CADPS: variants seen among roughly 807,000 people sequenced by gnomAD.
The protein encoded by CADPS is calcium-dependent secretion activator 1.
A neutral mutation model predicts 167.3 loss-of-function variants in CADPS; 57 were observed. The observed-to-expected ratio is 0.34, with a 90% CI of 0.28 to 0.42. CADPS has a LOEUF of 0.42. Among genes scored for constraint, CADPS ranks in the 20% least tolerant of loss-of-function variants. CADPS has a pLI of 1.00. For missense variants in CADPS, 1,414 were observed against 1,738.1 expected (o/e 0.81, Z 3.32); for synonymous variants, 676 against 635.3 (o/e 1.06, Z -0.96).
At chr3:62,672,112 G>C (rs1051173327) in intron 3 of CADPS, among the ~76,000 whole-genome samples, 1 of 151,696 alleles carries the variant, frequency 6.6e-6, no homozygotes, top group African/African-American at 2.4e-5. Context: ...TGATTCCAAC[G>C]TGCAGCCAGG....
chr3:62,705,053 G>T (rs1443086802), intron 3 of CADPS, among the ~76,000 whole-genome samples: 2 of 152,112 alleles, frequency 1.3e-5, no homozygotes, highest in Non-Finnish European at 2.9e-5. Context: ...AGCCTTAAAA[G>T]TAACCTGGGT....
intron 6 of CADPS, among the ~76,000 whole-genome samples, chr3:62,616,344 T>C (rs1414366667): frequency 1.3e-5 from 2 of 152,182 alleles, no homozygotes; most frequent in African/African-American, 4.8e-5. Flanking sequence ...ATATTGGTTA[T>C]GTTTAGTGTG....
intron 28 of CADPS, among the ~76,000 whole-genome samples, chr3:62,408,208 G>C (rs917253899): frequency 6.6e-6 from 1 of 152,076 alleles, no homozygotes; most frequent in Non-Finnish European, 1.5e-5. Context: ...TCTAACATTC[G>C]GGTTCACCAA....
chr3:62,773,263 A>G (rs140297381), intron 1 of CADPS, among the ~76,000 whole-genome samples: 3,457 of 152,240 alleles, frequency 0.023, 65 homozygotes, highest in South Asian at 0.06. Flanking sequence ...TTTAGAAATC[A>G]CATCATCTTA....
chr3:62,828,786 G>C (rs527645769), intron 1 of CADPS, among the ~76,000 whole-genome samples: 3 of 152,202 alleles, frequency 2.0e-5, no homozygotes, highest in Admixed American at 6.5e-5. Context: ...TTTCAATTTT[G>C]CTTATGAAGT....
At chr3:62,585,156 A>T in intron 8 of CADPS, 29 bp downstream of exon 8, 1 of 1,610,192 alleles carries the variant, frequency 6.2e-7, no homozygotes, top group South Asian at 1.1e-5. Flanking sequence ...CGTGTGTCCA[A>T]AACTGCTAGT....
At chr3:62,697,376 T>C (rs1338804142) in intron 3 of CADPS, among the ~76,000 whole-genome samples, 2 of 152,104 alleles carry the variant, frequency 1.3e-5, no homozygotes, top group Admixed American at 6.6e-5. Context: ...GGTTTTCCAT[T>C]CCTAAGTTAC....
intron 3 of CADPS, among the ~76,000 whole-genome samples, chr3:62,678,368 G>A (rs539536192): frequency 6.6e-6 from 1 of 152,132 alleles, no homozygotes; most frequent in African/African-American, 2.4e-5. Flanking sequence ...TTCCAGTAAG[G>A]CAAAATATAT....
chr3:62,743,329 C>T (rs1263483015), intron 3 of CADPS, among the ~76,000 whole-genome samples: 1 of 152,282 alleles, frequency 6.6e-6, no homozygotes, highest in Non-Finnish European at 1.5e-5. Flanking sequence ...AAGAACACAG[C>T]CATGCCCATA....
chr3:62,566,593 G>GA (rs5849489), intron 9 of CADPS, among the ~76,000 whole-genome samples: 102,584 of 151,924 alleles, frequency 0.68, 39,101 homozygotes, highest in Non-Finnish European at 0.83. Flanking sequence ...TAGGGGAGAA[G>GA]AAAAAATGGA....
intron 28 of CADPS, among the ~76,000 whole-genome samples, chr3:62,408,153 T>C (rs975652491): frequency 1.3e-5 from 2 of 152,200 alleles, no homozygotes; most frequent in Admixed American, 1.3e-4. Flanking sequence ...CCTGCAAACA[T>C]ACTGACTTCA....
chr3:62,631,590 G>C (rs1237843841), intron 6 of CADPS, among the ~76,000 whole-genome samples: 1 of 152,140 alleles, frequency 6.6e-6, no homozygotes, highest in Admixed American at 6.5e-5. Context: ...AGTGGAATCT[G>C]CTTGCTTAGT....
At chr3:62,690,791 A>G (rs1412100403) in intron 3 of CADPS, among the ~76,000 whole-genome samples, 1 of 152,012 alleles carries the variant, frequency 6.6e-6, no homozygotes, top group Non-Finnish European at 1.5e-5. Flanking sequence ...TACACAAAGG[A>G]AAACACATGT....
intron 9 of CADPS, among the ~76,000 whole-genome samples, chr3:62,564,805 C>A (rs1480900558): frequency 6.6e-6 from 1 of 151,952 alleles, no homozygotes; most frequent in African/African-American, 2.4e-5. Context: ...TGGGGTTTCA[C>A]CATATTGGCC....
In CADPS at chr3:62,653,196, G is replaced by A. The variant is rs897734602; in HGVS notation, c.970-2116C>T. On this transcript the variant is annotated intron_variant, in intron 4 of 29. Transcript: ENST00000383710. The stretch of plus-strand genomic sequence containing the variant: ...TGTGTCCTTGCCTAATTTATATGTT[G>A]AAATCTAACCCTCAATGTTATGGTA... 5.3e-5 allele frequency among the ~76,000 whole-genome samples: 8 copies of A among 152,214 alleles called. No homozygotes were observed. In the East Asian group the frequency reaches 1.5e-3, roughly 29 times the overall value.
chr3:62,451,081 G>A (rs1418395716), intron 26 of CADPS, among the ~76,000 whole-genome samples: 2 of 151,846 alleles, frequency 1.3e-5, no homozygotes, highest in Non-Finnish European at 2.9e-5. Context: ...AAAAAAAAAT[G>A]TATGAGGGAC....
chr3:62,477,346 T>A, intron 23 of CADPS, among the ~76,000 whole-genome samples: 1 of 150,390 alleles, frequency 6.6e-6, no homozygotes, highest in South Asian at 2.1e-4. Context: ...GGAAAAATAA[T>A]GCAACAGTTA....
In CADPS at chr3:62,651,059, C is replaced by G; in HGVS notation, c.991G>C (p.Val331Leu). The G allele has an allele frequency of 2.5e-6, 4 of 1,613,578 alleles. No homozygotes were observed. Among genetic ancestry groups the G allele is most frequent in the Non-Finnish European group, 3.4e-6 (4 of 1,179,726 alleles). ...IARERKFPKF[V>L]SKEMENMYIE... ...TACATGTTTTCCATTTCTTTGGATACAAACTTGGGAAATTTGCGTTCCTTG... is the reference window on the plus strand; with the variant it reads ...TACATGTTTTCCATTTCTTTGGATAGAAACTTGGGAAATTTGCGTTCCTTG... The change falls in exon 5 of 30, where the codon GTA (valine) becomes CTA (leucine). Residue 331 changes from valine (V) to leucine (L), a missense_variant. By Grantham distance (32) the Val-to-Leu change is conservative. This residue lies in a region of CADPS where 522 missense variants were observed against 559.5 expected (regional missense o/e 0.93). Transcript: ENST00000383710.
chr3:62,533,711 A>C (rs944407274), intron 12 of CADPS, among the ~76,000 whole-genome samples: 6 of 152,188 alleles, frequency 3.9e-5, no homozygotes, highest in Non-Finnish European at 8.8e-5. Flanking sequence ...CATACATGCC[A>C]GGACTTCATA....
Sources: gnomAD v4.1 joint callset for allele counts (sites outside exome capture counted in the v4.1 genomes callset) on GRCh38, gnomAD v4.1.1 for gene constraint, gnomAD v4.1.1 regional missense constraint, MANE v1.5 for transcripts, NCBI Gene and HGNC (gene_info 2026-07-23, HGNC 2026-07-21) for gene names.